The following CCNJ variants were observed in gnomAD, a reference collection of about 807,000 sequenced individuals.
CCNJ encodes the protein cyclin-J.
A neutral mutation model predicts 41.4 loss-of-function variants in CCNJ; 12 were observed. That is an observed-to-expected ratio of 0.29 (90% CI 0.19 to 0.47). The LOEUF (loss-of-function observed/expected upper bound fraction) is 0.47, where lower values mean the gene tolerates loss of function less well. Among genes scored for constraint, CCNJ ranks in the 20% least tolerant of loss-of-function variants. CCNJ has a pLI of 1.00. For synonymous variants in CCNJ, 161 were observed against 173.4 expected, an observed-to-expected ratio of 0.93 and a Z score of 0.56; for missense variants, 340 against 464.6, an observed-to-expected ratio of 0.73 and a Z score of 2.47.
chr10:96,048,917 GTTCTT>G (rs1564702491), intron 2 of CCNJ, among the ~76,000 whole-genome samples: 4 of 152,104 alleles, frequency 2.6e-5, no homozygotes, highest in South Asian at 2.1e-4. Context: ...CCTGCTTTCA[GTTCTT>G]TTGAGTATGT....
At chr10:96,047,560 C>T (rs962688134) in intron 2 of CCNJ, among the ~76,000 whole-genome samples, 1 of 152,014 alleles carries the variant, frequency 6.6e-6, no homozygotes, top group African/African-American at 2.4e-5. Flanking sequence ...ATTGCTTGAG[C>T]CTGGGAGGTG....
intron 2 of CCNJ, among the ~76,000 whole-genome samples, chr10:96,048,319 A>G (rs1564702110): frequency 6.6e-6 from 1 of 152,182 alleles, no homozygotes; most frequent in African/African-American, 2.4e-5. Flanking sequence ...ATTGCTAGGT[A>G]AAAGGGTATT....
chr10:96,047,127 G>C (rs2080385855), intron 2 of CCNJ, among the ~76,000 whole-genome samples: 1 of 152,130 alleles, frequency 6.6e-6, no homozygotes, highest in Admixed American at 6.5e-5. Context: ...CTCTGTATTT[G>C]ATTCACCTGC....
intron 3 of CCNJ, among the ~76,000 whole-genome samples, chr10:96,052,588 AGTTT>A: frequency 6.6e-6 from 1 of 152,170 alleles, no homozygotes; most frequent in Non-Finnish European, 1.5e-5. Flanking sequence ...TATTTCTGTT[AGTTT>A]AAGGTCATGA....
intron 5 of CCNJ, 91 bp downstream of exon 5, chr10:96,057,338 A>C: frequency 9.1e-7 from 1 of 1,101,756 alleles, no homozygotes; most frequent in Non-Finnish European, 1.3e-6. Flanking sequence ...AAAGGCACAG[A>C]GTTCCTAGGT....
At chr10:96,054,667 C>T (rs2080630157) in intron 3 of CCNJ, among the ~76,000 whole-genome samples, 1 of 152,092 alleles carries the variant, frequency 6.6e-6, no homozygotes, top group African/African-American at 2.4e-5. Context: ...TTTTGGCTTC[C>T]ATTTTTGGTT....
chr10:96,051,122 TATAA>T (rs948879263), intron 3 of CCNJ, among the ~76,000 whole-genome samples: 1 of 152,272 alleles, frequency 6.6e-6, no homozygotes, highest in African/African-American at 2.4e-5. Flanking sequence ...GTGCAACTAC[TATAA>T]ATGTGAAAAC....
At chr10:96,055,507 T>G (rs972688046) in intron 3 of CCNJ, among the ~76,000 whole-genome samples, 11 of 152,340 alleles carry the variant, frequency 7.2e-5, no homozygotes, top group Admixed American at 5.9e-4. Flanking sequence ...TTGTAAATGT[T>G]CTCCAGCCAT....
intron 3 of CCNJ, among the ~76,000 whole-genome samples, chr10:96,056,491 C>T (rs1428312405): frequency 6.6e-6 from 1 of 151,770 alleles, no homozygotes; most frequent in Non-Finnish European, 1.5e-5. Flanking sequence ...GTATTTCAAG[C>T]ATTTTTTTTT....
At chr10:96,055,937 G>C (rs987234303) in intron 3 of CCNJ, among the ~76,000 whole-genome samples, 1 of 152,198 alleles carries the variant, frequency 6.6e-6, no homozygotes. Context: ...TTGAGATTAT[G>C]TTGATGCCAA....
chr10:96,043,602 G>A lies in CCNJ; in HGVS notation c.-159G>A. On this transcript the variant is annotated 5_prime_UTR_variant, in exon 1 of 6. Transcript: ENST00000465148. ...TCCTTTAACAATGGGCGGCGCGAGCGTCCAGGCGCTGGGCTCTAGCTGAGG... is the reference window on the plus strand; with the variant it reads ...TCCTTTAACAATGGGCGGCGCGAGCATCCAGGCGCTGGGCTCTAGCTGAGG... The A allele has an allele frequency of 2.5e-6, 1 of 395,326 alleles. No homozygotes were observed. Among genetic ancestry groups the A allele is most frequent in the East Asian group, 3.6e-5 (1 of 27,868 alleles). 24.5% of individuals were successfully genotyped at this position (395,326 alleles called of 1,614,324 possible).
rs1178275683 is a variant in CCNJ at position 96,059,734 on chromosome 10, A to G, written c.*1493A>G. 4 of 152,578 alleles carry G rather than the reference A, an allele frequency of 2.6e-5. No individual in the cohort carries two copies. Among genetic ancestry groups the G allele is most frequent in the African/African-American group, 9.7e-5 (4 of 41,428 alleles). 9.5% of individuals were successfully genotyped at this position (152,578 alleles called of 1,614,324 possible). A position where few individuals can be genotyped will look rare whatever the true frequency, so the allele number is the denominator to read the frequency against. ...ACTGCCACAATATGCATCGAAGACA[A>G]ACTTACTATAAAGATGTTGTGGGTA... On this transcript the variant is annotated 3_prime_UTR_variant, in exon 6 of 6. Coordinates refer to ENST00000465148, the MANE Select transcript of CCNJ (RefSeq NM_001134375.2).
chr10:96,050,903 GAGATGCTTTTTTAGCATCTAGTACAT>G (rs1279351053), intron 3 of CCNJ, among the ~76,000 whole-genome samples: 1 of 152,280 alleles, frequency 6.6e-6, no homozygotes, highest in Non-Finnish European at 1.5e-5. Context: ...GATAAAGTGG[GAGATGCTTTTTTAGCATCTAGTACAT>G]AGAGGCCTGG....
chr10:96,049,902 G>A (rs2142041774), intron 2 of CCNJ, among the ~76,000 whole-genome samples: 1 of 152,122 alleles, frequency 6.6e-6, no homozygotes, highest in East Asian at 1.9e-4. Context: ...AGGTGTAGGG[G>A]CGTGTGTGTG....
rs2080793420 is a variant in CCNJ at position 96,060,557 on chromosome 10, G to C, written c.*2316G>C. Reference sequence around the variant, plus strand: ...ATATAAATACAACTCACAACTGCTAGCTTTGGGGGGTGGGGGAACATTGTG... The same window carrying C: ...ATATAAATACAACTCACAACTGCTACCTTTGGGGGGTGGGGGAACATTGTG... On this transcript the variant is annotated 3_prime_UTR_variant, in exon 6 of 6. Transcript: ENST00000465148. 6.6e-6 allele frequency: 1 copy of C among 151,836 alleles called. No homozygotes were observed. The highest frequency in any genetic ancestry group is 2.4e-5 in the African/African-American group (1 of 41,130). 9.4% of individuals were successfully genotyped at this position (151,836 alleles called of 1,614,324 possible).
intron 3 of CCNJ, among the ~76,000 whole-genome samples, chr10:96,053,084 T>C (rs1213444301): frequency 6.6e-6 from 1 of 151,594 alleles, no homozygotes; most frequent in East Asian, 1.9e-4. Context: ...GAGTTCATTG[T>C]AATGGGAAGC....
intron 3 of CCNJ, among the ~76,000 whole-genome samples, chr10:96,053,040 C>G (rs939624120): frequency 4.6e-5 from 7 of 152,212 alleles, no homozygotes; most frequent in Non-Finnish European, 7.3e-5. Context: ...CTGATAAACT[C>G]TTTTCAGTGT....
chr10:96,047,296 AAAG>A lies in CCNJ; in HGVS notation c.69+2837_69+2839del, dbSNP rs562052609. On this transcript the variant is annotated intron_variant, in intron 2 of 5. Transcript: ENST00000465148. ...AGATCCAAAGAAAGAGTTAAGGAGA[AAAG>A]AAAAATCCTAGGAACTACATGAGAA... Among the ~76,000 whole-genome samples the A allele has an allele frequency of 3.5e-3, 527 of 152,296 alleles. 3 individuals are homozygous for A. The highest frequency in any genetic ancestry group is 0.012 in the African/African-American group (496 of 41,560).
chr10:96,052,097 C>T (rs1591007086), intron 3 of CCNJ, among the ~76,000 whole-genome samples: 1 of 149,272 alleles, frequency 6.7e-6, no homozygotes, highest in African/African-American at 2.5e-5. Context: ...CCCTCATCCC[C>T]CTACCCAGGA....
Sources: gnomAD v4.1 joint callset for allele counts (sites outside exome capture counted in the v4.1 genomes callset) on GRCh38, gnomAD v4.1.1 for gene constraint, MANE v1.5 for transcripts, NCBI Gene and HGNC (gene_info 2026-07-23, HGNC 2026-07-21) for gene names.